The following LTBP1 variants were observed in gnomAD, a reference collection of about 807,000 sequenced individuals.
LTBP1 encodes latent-transforming growth factor beta-binding protein 1.
In LTBP1, 129 loss-of-function variants were observed where a neutral mutation model predicts 207.6. The ratio of observed to expected loss-of-function variants is 0.62; its 90% confidence interval spans 0.54 to 0.72. LTBP1 has a LOEUF of 0.72. Ranked by LOEUF, LTBP1 falls within the 30% of genes least tolerant of loss-of-function variation. LTBP1 has a pLI of 0.00. For synonymous variants in LTBP1, 963 were observed against 833.7 expected (o/e 1.16, Z -2.67); for missense variants, 2,281 against 2,217.2 (o/e 1.03, Z -0.58).
At chr2:33,340,919 C>T (rs1447981726) in intron 24 of LTBP1, among the ~76,000 whole-genome samples, 1 of 152,202 alleles carries the variant, frequency 6.6e-6, no homozygotes, top group East Asian at 1.9e-4. Flanking sequence ...TCCTTTGTGA[C>T]ATTTTGCAGT....
At chr2:33,018,147 T>C (rs564336018) in intron 2 of LTBP1, among the ~76,000 whole-genome samples, 255 of 150,454 alleles carry the variant, frequency 1.7e-3, no homozygotes, top group African/African-American at 5.9e-3. Context: ...ATTTGTAAGT[T>C]CAAAGTTTTT....
At chr2:33,100,283 G>T (rs181508399) in intron 3 of LTBP1, among the ~76,000 whole-genome samples, 1 of 152,220 alleles carries the variant, frequency 6.6e-6, no homozygotes, top group Admixed American at 6.5e-5. Flanking sequence ...GATAACATGT[G>T]GGATAGAAGT....
At chr2:33,264,229 C>G (rs2093108705) in intron 15 of LTBP1, among the ~76,000 whole-genome samples, 1 of 144,756 alleles carries the variant, frequency 6.9e-6, no homozygotes, top group South Asian at 2.2e-4. Context: ...GCACTCCAGC[C>G]TGGGGGACAG....
At chr2:32,991,675 C>T (rs1033985541) in intron 2 of LTBP1, among the ~76,000 whole-genome samples, 2 of 152,116 alleles carry the variant, frequency 1.3e-5, no homozygotes, top group African/African-American at 4.8e-5. Flanking sequence ...CTTCAGTGGG[C>T]GTCCTCAAAA....
At chr2:33,396,853 C>A (rs556739150) in intron 32 of LTBP1, among the ~76,000 whole-genome samples, 1 of 152,208 alleles carries the variant, frequency 6.6e-6, no homozygotes, top group South Asian at 2.1e-4. Context: ...TAATTAAGAG[C>A]AAAAACAAAA....
chr2:33,089,028 T>C (rs1276031966), intron 3 of LTBP1, among the ~76,000 whole-genome samples: 1 of 151,234 alleles, frequency 6.6e-6, no homozygotes, highest in African/African-American at 2.4e-5. Context: ...TGGTGGCAGG[T>C]GCCTGTAATC....
chr2:32,959,978 GT>G (rs1367618162), intron 2 of LTBP1, among the ~76,000 whole-genome samples: 1 of 151,954 alleles, frequency 6.6e-6, no homozygotes. Context: ...TGCATTTCAT[GT>G]TCACACCATA....
intron 29 of LTBP1, 31 bp downstream of exon 29, chr2:33,363,549 C>T (rs1221546086): frequency 5.7e-6 from 9 of 1,587,750 alleles, no homozygotes; most frequent in Non-Finnish European, 5.1e-6. Context: ...GTATGGTGTA[C>T]TGTGAAAATA....
At chr2:32,973,239 G>A (rs549914319) in intron 2 of LTBP1, among the ~76,000 whole-genome samples, 1 of 152,058 alleles carries the variant, frequency 6.6e-6, no homozygotes, top group South Asian at 2.1e-4. Flanking sequence ...GTCAGTGGGT[G>A]TTGAAGTTTC....
chr2:33,054,913 C>T (rs760850191), intron 3 of LTBP1, among the ~76,000 whole-genome samples: 10 of 152,264 alleles, frequency 6.6e-5, no homozygotes, highest in African/African-American at 1.7e-4. Flanking sequence ...GTGATTGCCT[C>T]GGCATAGTGG....
At chr2:33,297,402 T>G (rs969320236) in intron 20 of LTBP1, among the ~76,000 whole-genome samples, 10 of 9,590 alleles carry the variant, frequency 1.0e-3, no homozygotes, top group Non-Finnish European at 3.6e-3. Flanking sequence ...TATACTGCTT[T>G]ATTTATTTAT....
intron 2 of LTBP1, among the ~76,000 whole-genome samples, chr2:32,972,409 AT>A (rs1410435787): frequency 2.6e-5 from 4 of 151,162 alleles, no homozygotes; most frequent in African/African-American, 7.3e-5. Context: ...TTTGAGATCT[AT>A]TTTTTTGATG....
At chr2:33,225,320 T>C (rs2091371643) in intron 9 of LTBP1, among the ~76,000 whole-genome samples, 1 of 152,208 alleles carries the variant, frequency 6.6e-6, no homozygotes, top group African/African-American at 2.4e-5. Context: ...GAACTTATTC[T>C]TCCTATTTAA....
At chr2:33,165,298 G>C (rs1177333965) in intron 5 of LTBP1, among the ~76,000 whole-genome samples, 2 of 152,172 alleles carry the variant, frequency 1.3e-5, no homozygotes, top group African/African-American at 4.8e-5. Context: ...TTGGACAAAG[G>C]CATTGAAGAA....
chr2:33,271,487 C>G (rs1003499453), intron 15 of LTBP1, among the ~76,000 whole-genome samples: 1 of 152,036 alleles, frequency 6.6e-6, no homozygotes, highest in Non-Finnish European at 1.5e-5. Flanking sequence ...TAAAAAATTC[C>G]TATAAACAGA....
intron 5 of LTBP1, among the ~76,000 whole-genome samples, chr2:33,165,574 G>A: frequency 6.6e-6 from 1 of 152,200 alleles, no homozygotes; most frequent in Non-Finnish European, 1.5e-5. Flanking sequence ...GCTTTGCGGT[G>A]CAGACCTACA....
chr2:33,206,844 T>G (rs75001689), intron 7 of LTBP1, among the ~76,000 whole-genome samples: 4,874 of 152,198 alleles, frequency 0.032, 295 homozygotes, highest in African/African-American at 0.11. Context: ...TATGCACATC[T>G]TTATTCCCTC....
intron 3 of LTBP1, among the ~76,000 whole-genome samples, chr2:33,055,605 A>C (rs936689440): frequency 5.9e-5 from 9 of 152,198 alleles, no homozygotes; most frequent in Non-Finnish European, 1.0e-4. Context: ...CTGCAGCTAA[A>C]GCCGCATTCT....
At chr2:32,984,534 C>T (rs952067142) in intron 2 of LTBP1, among the ~76,000 whole-genome samples, 8 of 152,182 alleles carry the variant, frequency 5.3e-5, no homozygotes, top group Non-Finnish European at 1.0e-4. Context: ...ACTCAGACTC[C>T]CATTTTATAG....
Sources: gnomAD v4.1 joint callset for allele counts (sites outside exome capture counted in the v4.1 genomes callset) on GRCh38, gnomAD v4.1.1 for gene constraint, MANE v1.5 for transcripts, NCBI Gene and HGNC (gene_info 2026-07-23, HGNC 2026-07-21) for gene names.